RFPL1: variants seen among roughly 807,000 people sequenced by gnomAD.
RFPL1 encodes the protein ret finger protein-like 1.
A neutral mutation model predicts 9.6 loss-of-function variants in RFPL1; 6 were observed. That is an observed-to-expected ratio of 0.62 (90% confidence interval 0.34 to 1.23). The LOEUF (loss-of-function observed/expected upper bound fraction) is 1.23. RFPL1 is among the 50% of genes most tolerant of loss of function. The pLI is 0.03. For synonymous variants in RFPL1, 145 were observed against 149.4 expected (o/e 0.97, Z 0.22); for missense variants, 352 against 398.4 (o/e 0.88, Z 0.99).
At chr22:29,438,065 G>A (rs1372586632), upstream of RFPL1, 6 of 205,550 alleles carry the variant, frequency 2.9e-5, no homozygotes, top group Non-Finnish European at 5.4e-5. Flanking sequence ...GTAGAGAGGG[G>A]GTCTTCCTGT....
At chr22:29,424,871 C>G in the RFPL1 span, among the ~76,000 whole-genome samples, 1 of 136,070 alleles carries the variant, frequency 7.3e-6, no homozygotes, top group Non-Finnish European at 1.5e-5. Context: ...CAAGTACAGC[C>G]TTCCAATCCT....
the RFPL1 span, among the ~76,000 whole-genome samples, chr22:29,416,830 C>T: frequency 6.6e-6 from 1 of 152,214 alleles, no homozygotes; most frequent in Non-Finnish European, 1.5e-5. Context: ...GTCAAATAAC[C>T]TGCCTGGAGG....
the RFPL1 span, among the ~76,000 whole-genome samples, chr22:29,406,330 T>C: frequency 2.0e-5 from 3 of 151,988 alleles, no homozygotes; most frequent in South Asian, 6.2e-4. Flanking sequence ...TGTTGGGCAT[T>C]TACAACTCAT....
the RFPL1 span, among the ~76,000 whole-genome samples, chr22:29,412,980 A>G: frequency 1.3e-5 from 2 of 152,100 alleles, no homozygotes. Flanking sequence ...GGACCTGGAT[A>G]TTGTCCTCAT....
chr22:29,436,106 G>A (rs1230450505), upstream of RFPL1, among the ~76,000 whole-genome samples: 1 of 151,838 alleles, frequency 6.6e-6, no homozygotes, highest in African/African-American at 2.4e-5. Flanking sequence ...ATACCTAGAT[G>A]GGAGAAATGG....
upstream of RFPL1, among the ~76,000 whole-genome samples, chr22:29,434,052 A>T (rs1048230133): frequency 2.6e-5 from 4 of 152,064 alleles, no homozygotes; most frequent in Non-Finnish European, 5.9e-5. Context: ...ATGTGGTTTC[A>T]TGTTGCCCAG....
chr22:29,396,066 G>A, the RFPL1 span, among the ~76,000 whole-genome samples: 3 of 151,938 alleles, frequency 2.0e-5, no homozygotes, highest in South Asian at 6.2e-4. Context: ...AGGAAGAGAA[G>A]AGAAGATAAG....
the RFPL1 span, among the ~76,000 whole-genome samples, chr22:29,425,671 A>G: frequency 6.6e-6 from 1 of 152,220 alleles, no homozygotes; most frequent in African/African-American, 2.4e-5. Context: ...TTAATAGGAA[A>G]TAATTATTGA....
chr22:29,396,662 T>C, the RFPL1 span, among the ~76,000 whole-genome samples: 1 of 152,046 alleles, frequency 6.6e-6, no homozygotes, highest in Non-Finnish European at 1.5e-5. Context: ...AAATAGAGGT[T>C]GGAGGGAGGT....
At chr22:29,418,787 T>C in the RFPL1 span, among the ~76,000 whole-genome samples, 12 of 152,252 alleles carry the variant, frequency 7.9e-5, no homozygotes, top group East Asian at 3.9e-4. Context: ...TGTGAGCCAC[T>C]GCGCCTGGCC....
chr22:29,393,321 C>T, the RFPL1 span, among the ~76,000 whole-genome samples: 2 of 152,154 alleles, frequency 1.3e-5, no homozygotes, highest in African/African-American at 4.8e-5. Context: ...CTGATTTCTT[C>T]CCTACTTCCA....
At chr22:29,432,424 G>A in the RFPL1 span, among the ~76,000 whole-genome samples, 1 of 152,020 alleles carries the variant, frequency 6.6e-6, no homozygotes, top group Non-Finnish European at 1.5e-5. Context: ...TTTTTTGCCT[G>A]TTTTACTTCT....
the RFPL1 span, among the ~76,000 whole-genome samples, chr22:29,410,324 A>AGATATATATATCTATATATAGATATATAT: frequency 5.6e-5 from 5 of 89,248 alleles, no homozygotes; most frequent in African/African-American, 2.3e-4. Flanking sequence ...AGATATATAT[A>AGATATATATATCTATATATAGATATATAT]TGTAGATATA....
At chr22:29,419,758 C>G in the RFPL1 span, among the ~76,000 whole-genome samples, 55 of 148,362 alleles carry the variant, frequency 3.7e-4, no homozygotes, top group African/African-American at 1.3e-3. Flanking sequence ...GCCATGACAC[C>G]ACTACACTCC....
chr22:29,438,996 A>G, exon 1 of RFPL1: 1 of 1,614,068 alleles, frequency 6.2e-7, no homozygotes, highest in Non-Finnish European at 8.5e-7. Flanking sequence ...TTCACTGCAG[A>G]AGGAGCCCCA....
chr22:29,414,381 T>G, the RFPL1 span, among the ~76,000 whole-genome samples: 2 of 152,230 alleles, frequency 1.3e-5, no homozygotes, highest in Non-Finnish European at 2.9e-5. Flanking sequence ...GTTGAAAACC[T>G]TGTAAGTGTG....
At chr22:29,398,154 G>T in the RFPL1 span, among the ~76,000 whole-genome samples, 2 of 152,194 alleles carry the variant, frequency 1.3e-5, no homozygotes, top group African/African-American at 2.4e-5. Context: ...ACTCATGGGG[G>T]TGTGGGAAGG....
chr22:29,407,567 A>G, the RFPL1 span, among the ~76,000 whole-genome samples: 1 of 151,572 alleles, frequency 6.6e-6, no homozygotes, highest in Admixed American at 6.6e-5. Flanking sequence ...GATATTAATC[A>G]TTGATTTAAT....
chr22:29,400,158 G>T, the RFPL1 span, among the ~76,000 whole-genome samples: 1 of 151,956 alleles, frequency 6.6e-6, no homozygotes, highest in African/African-American at 2.4e-5. Flanking sequence ...ACCGCTCCCG[G>T]CTAATTTTTT....
Sources: allele counts gnomAD v4.1 joint callset (sites outside exome capture counted in the v4.1 genomes callset), GRCh38; gene constraint gnomAD v4.1.1; transcripts MANE v1.5; gene names NCBI Gene and HGNC (gene_info 2026-07-23, HGNC 2026-07-21).